CTNNA2: variants seen among roughly 807,000 people sequenced by gnomAD.
CTNNA2 encodes the protein catenin alpha 2, also known as catenin alpha-2.
Under a neutral mutation model 101.0 loss-of-function variants are expected in CTNNA2, and 42 were observed. That is an observed-to-expected ratio of 0.42 (90% confidence interval 0.32 to 0.54). The LOEUF (loss-of-function observed/expected upper bound fraction) is 0.54, where lower values mean the gene tolerates loss of function less well. Ranked by LOEUF, CTNNA2 falls within the 20% of genes least tolerant of loss-of-function variation. CTNNA2 has a pLI of 0.14. For synonymous variants in CTNNA2, 450 were observed against 456.4 expected (o/e 0.99, Z 0.18); for missense variants, 871 against 1,223.1 (o/e 0.71, Z 4.29).
chr2:80,191,130 C>T (rs1221432813), intron 7 of CTNNA2, among the ~76,000 whole-genome samples: 1 of 152,194 alleles, frequency 6.6e-6, no homozygotes, highest in Non-Finnish European at 1.5e-5. Context: ...TCCTGGACTA[C>T]TTTGCCAGGA....
intron 4 of CTNNA2, among the ~76,000 whole-genome samples, chr2:79,467,458 A>G (rs1670951610): frequency 6.6e-6 from 1 of 152,206 alleles, no homozygotes; most frequent in Admixed American, 6.5e-5. Context: ...ACTCTGCAGG[A>G]TATTATCCAG....
chr2:79,355,737 G>A (rs948667036), intron 3 of CTNNA2, among the ~76,000 whole-genome samples: 8 of 152,086 alleles, frequency 5.3e-5, no homozygotes, highest in African/African-American at 1.9e-4. Context: ...TTGGCATAAT[G>A]TTTTCTAGGT....
chr2:79,551,928 A>C (rs776498379), intron 1 of CTNNA2, among the ~76,000 whole-genome samples: 1 of 152,108 alleles, frequency 6.6e-6, no homozygotes, highest in African/African-American at 2.4e-5. Flanking sequence ...GGTGATTATA[A>C]TTTGACATGA....
chr2:79,444,663 C>A (rs191246225), intron 4 of CTNNA2, among the ~76,000 whole-genome samples: 132 of 152,072 alleles, frequency 8.7e-4, no homozygotes, highest in African/African-American at 3.1e-3. Flanking sequence ...GCCTTAGTGA[C>A]CTTTTGTTTC....
chr2:79,920,088 A>G (rs1467463085), intron 7 of CTNNA2, among the ~76,000 whole-genome samples: 1 of 152,150 alleles, frequency 6.6e-6, no homozygotes, highest in African/African-American at 2.4e-5. Flanking sequence ...GTGGTGGCGC[A>G]TGCCTGTAAT....
intron 3 of CTNNA2, among the ~76,000 whole-genome samples, chr2:79,365,691 G>GGTTTTTT (rs1323192805): frequency 6.6e-6 from 1 of 151,612 alleles, no homozygotes; most frequent in Non-Finnish European, 1.5e-5. Flanking sequence ...GATGATTCCA[G>GGTTTTTT]GTTTTTTGTT....
At chr2:80,404,208 G>A (rs1404734937) in intron 8 of CTNNA2, among the ~76,000 whole-genome samples, 1 of 152,114 alleles carries the variant, frequency 6.6e-6, no homozygotes, top group Non-Finnish European at 1.5e-5. Flanking sequence ...AGTATTCTCT[G>A]ATGGTTGTTT....
intron 4 of CTNNA2, among the ~76,000 whole-genome samples, chr2:79,451,512 T>C (rs1293598478): frequency 2.0e-5 from 3 of 152,002 alleles, no homozygotes; most frequent in Non-Finnish European, 4.4e-5. Context: ...AAGAGGTTAG[T>C]AATCATTCGT....
chr2:80,495,825 G>T (rs1044696378), intron 9 of CTNNA2, among the ~76,000 whole-genome samples: 2 of 151,326 alleles, frequency 1.3e-5, no homozygotes, highest in African/African-American at 2.4e-5. Flanking sequence ...CTGTAATCCC[G>T]GCTACTTGGG....
intron 2 of CTNNA2, among the ~76,000 whole-genome samples, chr2:79,304,203 A>C (rs1409600412): frequency 6.6e-6 from 1 of 152,180 alleles, no homozygotes; most frequent in Non-Finnish European, 1.5e-5. Flanking sequence ...AAACTGCGTC[A>C]AGGGTGACTG....
intron 3 of CTNNA2, chr2:79,340,171 G>C (rs918273628): frequency 3.3e-5 from 5 of 152,136 alleles, no homozygotes; most frequent in East Asian, 3.9e-4. Context: ...AGAGGATGCT[G>C]TTTATCATGA....
At chr2:79,381,015 G>T (rs1678032622) in intron 4 of CTNNA2, among the ~76,000 whole-genome samples, 1 of 152,156 alleles carries the variant, frequency 6.6e-6, no homozygotes, top group South Asian at 2.1e-4. Flanking sequence ...GAAGTTCGTT[G>T]ATCCCTACAG....
intron 7 of CTNNA2, among the ~76,000 whole-genome samples, chr2:80,350,383 T>C (rs1408019901): frequency 6.6e-6 from 1 of 152,204 alleles, no homozygotes; most frequent in Non-Finnish European, 1.5e-5. Flanking sequence ...TGTGCCATCA[T>C]TTAGATAGAT....
At chr2:79,382,805 G>A (rs956252280) in intron 4 of CTNNA2, among the ~76,000 whole-genome samples, 89 of 152,162 alleles carry the variant, frequency 5.8e-4, no homozygotes, top group African/African-American at 2.0e-3. Flanking sequence ...TAATAGAGAG[G>A]GGGTTTCACT....
At chr2:79,434,423 GAAA>G (rs952667492) in intron 4 of CTNNA2, among the ~76,000 whole-genome samples, 1 of 152,112 alleles carries the variant, frequency 6.6e-6, no homozygotes, top group Non-Finnish European at 1.5e-5. Context: ...TTCGGAGGAT[GAAA>G]ATGTTCACAG....
intron 7 of CTNNA2, among the ~76,000 whole-genome samples, chr2:80,385,063 C>T (rs1676873358): frequency 6.6e-6 from 1 of 151,660 alleles, no homozygotes; most frequent in Admixed American, 6.6e-5. Flanking sequence ...TTACTGAAAA[C>T]CTGTTGCATT....
chr2:79,594,531 G>T (rs1205593601), intron 1 of CTNNA2, among the ~76,000 whole-genome samples: 1 of 152,164 alleles, frequency 6.6e-6, no homozygotes, highest in African/African-American at 2.4e-5. Context: ...TAGGAACTTT[G>T]TAAGTATCAG....
At chr2:80,358,339 T>G (rs11884997) in intron 7 of CTNNA2, among the ~76,000 whole-genome samples, 3,960 of 146,304 alleles carry the variant, frequency 0.027, 102 homozygotes, top group African/African-American at 0.065. Context: ...TCAGTAGTAT[T>G]CTACTTTTTT....
chr2:79,512,896 G>C (rs1671597426), upstream of CTNNA2: 1 of 151,244 alleles, frequency 6.6e-6, no homozygotes, highest in Non-Finnish European at 1.5e-5. Flanking sequence ...GGGCGCGCGA[G>C]CGAGCAAGCG....
Sources: allele counts gnomAD v4.1 joint callset (sites outside exome capture counted in the v4.1 genomes callset), GRCh38; gene constraint gnomAD v4.1.1; transcripts MANE v1.5; gene names NCBI Gene and HGNC (gene_info 2026-07-23, HGNC 2026-07-21).